Variants in GHR observed in about 807,000 individuals in gnomAD.
GHR encodes growth hormone receptor.
In GHR, 35 loss-of-function variants were observed where a neutral mutation model predicts 67.1. That is an observed-to-expected ratio of 0.52 (90% CI 0.40 to 0.69). GHR has a LOEUF of 0.69. GHR is among the 30% of genes least tolerant of loss of function. The pLI is 0.00. For missense variants in GHR, 792 were observed against 764.6 expected (o/e 1.04, Z -0.42); for synonymous variants, 272 against 269.1 (o/e 1.01, Z -0.10).
intron 2 of GHR, among the ~76,000 whole-genome samples, chr5:42,628,070 G>A (rs1290868017): frequency 6.6e-6 from 1 of 152,120 alleles, no homozygotes; most frequent in East Asian, 1.9e-4. Context: ...CCCCAGGCAA[G>A]CTCCTCTCAG....
At chr5:42,693,003 AT>A (rs1757492668) in intron 4 of GHR, among the ~76,000 whole-genome samples, 1 of 151,928 alleles carries the variant, frequency 6.6e-6, no homozygotes, top group Admixed American at 6.6e-5. Flanking sequence ...CCTATTCCTA[AT>A]TTTTTTAACA....
chr5:42,567,565 TAAG>T (rs1750012538), intron 2 of GHR, among the ~76,000 whole-genome samples: 1 of 152,182 alleles, frequency 6.6e-6, no homozygotes, highest in South Asian at 2.1e-4. Context: ...TACTTACGCA[TAAG>T]AAGTAATTTA....
chr5:42,469,024 C>G (rs1016398040), intron 1 of GHR, among the ~76,000 whole-genome samples: 1 of 152,196 alleles, frequency 6.6e-6, no homozygotes, highest in Non-Finnish European at 1.5e-5. Context: ...TTTTTAAAGT[C>G]TCTAAAATGG....
At chr5:42,443,491 G>A (rs1743669556) in intron 1 of GHR, among the ~76,000 whole-genome samples, 1 of 152,100 alleles carries the variant, frequency 6.6e-6, no homozygotes, top group African/African-American at 2.4e-5. Flanking sequence ...TAAATTTAAT[G>A]TCAAGGGCAT....
intron 3 of GHR, among the ~76,000 whole-genome samples, chr5:42,639,575 A>G (rs1754367810): frequency 6.6e-6 from 1 of 152,156 alleles, no homozygotes; most frequent in Non-Finnish European, 1.5e-5. Context: ...AAATCCATCT[A>G]TGCTCTGTGT....
intron 2 of GHR, among the ~76,000 whole-genome samples, chr5:42,602,720 A>G (rs1197720183): frequency 6.6e-6 from 1 of 152,124 alleles, no homozygotes; most frequent in Non-Finnish European, 1.5e-5. Context: ...TAGAGTTGTA[A>G]CTGTCCAATT....
intron 8 of GHR, among the ~76,000 whole-genome samples, chr5:42,717,577 A>G (rs956376102): frequency 6.6e-6 from 1 of 152,170 alleles, no homozygotes; most frequent in African/African-American, 2.4e-5. Context: ...CTATATGGCT[A>G]ACCTACCCAA....
At chr5:42,586,246 A>G (rs1751469293) in intron 2 of GHR, among the ~76,000 whole-genome samples, 1 of 151,778 alleles carries the variant, frequency 6.6e-6, no homozygotes, top group Admixed American at 6.6e-5. Flanking sequence ...CCTGACTCCT[A>G]TTTTTCTTCC....
chr5:42,701,482 C>T (rs375534728), intron 6 of GHR, among the ~76,000 whole-genome samples: 1 of 152,272 alleles, frequency 6.6e-6, no homozygotes, highest in East Asian at 1.9e-4. Flanking sequence ...GAGTTGCCAG[C>T]TGAACTAGTT....
intron 1 of GHR, chr5:42,549,533 A>C (rs1445916485): frequency 7.3e-6 from 2 of 272,644 alleles, no homozygotes; most frequent in Non-Finnish European, 1.1e-5. Flanking sequence ...TTCTAAGTTG[A>C]AATGTCCTTG....
chr5:42,430,988 C>A (rs1263978419), intron 1 of GHR, among the ~76,000 whole-genome samples: 9 of 152,008 alleles, frequency 5.9e-5, no homozygotes, highest in Non-Finnish European at 1.3e-4. Context: ...CAGTTTTTGC[C>A]AACTATTTAA....
intron 2 of GHR, among the ~76,000 whole-genome samples, chr5:42,576,119 AAAATAAAATAAAATAAAAT>A (rs1750708476): frequency 9.7e-6 from 1 of 102,582 alleles, no homozygotes; most frequent in African/African-American, 4.2e-5. Flanking sequence ...AAAATAAAAT[AAAATAAAATAAAATAAAAT>A]AAAATAGTAA....
intron 1 of GHR, among the ~76,000 whole-genome samples, chr5:42,462,055 G>A (rs1744509437): frequency 6.6e-6 from 1 of 152,220 alleles, no homozygotes; most frequent in Admixed American, 6.5e-5. Flanking sequence ...GCATAAGCAA[G>A]TTATCATGAA....
intron 3 of GHR, among the ~76,000 whole-genome samples, chr5:42,685,451 A>G (rs916482154): frequency 6.6e-6 from 1 of 152,218 alleles, no homozygotes; most frequent in Non-Finnish European, 1.5e-5. Flanking sequence ...TCCTTTGGGT[A>G]TATACCCAGT....
intron 3 of GHR, among the ~76,000 whole-genome samples, chr5:42,674,946 A>G (rs1019866274): frequency 3.9e-5 from 6 of 152,138 alleles, no homozygotes; most frequent in African/African-American, 1.2e-4. Context: ...CAGTAGCTAT[A>G]CCATTTTACA....
intron 1 of GHR, among the ~76,000 whole-genome samples, chr5:42,473,291 C>T (rs553774171): frequency 8.2e-4 from 125 of 152,238 alleles, no homozygotes; most frequent in Admixed American, 4.0e-3. Flanking sequence ...AGTGCAACGG[C>T]GCGATCTCGG....
intron 1 of GHR, among the ~76,000 whole-genome samples, chr5:42,546,314 G>T (rs947267730): frequency 1.6e-4 from 24 of 152,144 alleles, no homozygotes; most frequent in Non-Finnish European, 3.2e-4. Flanking sequence ...ACCCCTCATT[G>T]TCTGGGATCC....
intron 3 of GHR, among the ~76,000 whole-genome samples, chr5:42,680,655 C>T (rs181823560): frequency 7.9e-4 from 120 of 151,906 alleles, no homozygotes; most frequent in African/African-American, 2.7e-3. Flanking sequence ...CAGGTATGCC[C>T]CACCAGACCT....
intron 1 of GHR, among the ~76,000 whole-genome samples, chr5:42,477,404 G>A (rs1328372761): frequency 6.6e-6 from 1 of 152,150 alleles, no homozygotes; most frequent in East Asian, 1.9e-4. Context: ...CCCCAGTAAT[G>A]GGATGGCAGG....
Sources: gnomAD v4.1 joint callset for allele counts (sites outside exome capture counted in the v4.1 genomes callset) on GRCh38, gnomAD v4.1.1 for gene constraint, MANE v1.5 for transcripts, NCBI Gene and HGNC (gene_info 2026-07-23, HGNC 2026-07-21) for gene names.